NAV2: variants seen among roughly 807,000 people sequenced by gnomAD.
NAV2 encodes helicase, APC down-regulated 1.
Under a neutral mutation model 223.2 loss-of-function variants are expected in NAV2, and 54 were observed. That is an observed-to-expected ratio of 0.24 (90% CI 0.19 to 0.30). The LOEUF (loss-of-function observed/expected upper bound fraction) is 0.30. Ranked by LOEUF, NAV2 falls within the 10% of genes least tolerant of loss-of-function variation. The pLI is 1.00. For synonymous variants in NAV2, 1,279 were observed against 1,239.3 expected (o/e 1.03, Z -0.67); for missense variants, 2,806 against 3,147.5 (o/e 0.89, Z 2.60).
intron 1 of NAV2, among the ~76,000 whole-genome samples, chr11:19,454,937 C>A (rs981320786): frequency 6.6e-5 from 10 of 151,434 alleles, no homozygotes; most frequent in Non-Finnish European, 1.5e-4. Context: ...TACTGTGGGT[C>A]TCTGGGCCAG....
chr11:20,048,364 C>A (rs2057668367), intron 14 of NAV2, among the ~76,000 whole-genome samples: 1 of 152,282 alleles, frequency 6.6e-6, no homozygotes, highest in Non-Finnish European at 1.5e-5. Context: ...ATGAAGACAA[C>A]CATCTTCCTG....
At chr11:19,397,144 T>A (rs1437264532) in intron 1 of NAV2, among the ~76,000 whole-genome samples, 1 of 152,182 alleles carries the variant, frequency 6.6e-6, no homozygotes, top group Admixed American at 6.5e-5. Context: ...CTATGGGGAC[T>A]ATTCTTAGCT....
intron 11 of NAV2, chr11:20,022,514 G>C (rs1304181043): frequency 1.0e-6 from 1 of 982,626 alleles, no homozygotes. Context: ...GTACAAACAG[G>C]TATCATTTCC....
chr11:19,447,920 C>A (rs998661504), intron 1 of NAV2, among the ~76,000 whole-genome samples: 18 of 152,176 alleles, frequency 1.2e-4, no homozygotes, highest in African/African-American at 4.3e-4. Context: ...TCCCAATGAG[C>A]AGCTCAGAAC....
chr11:20,021,222 C>T (rs1452867919), intron 11 of NAV2, among the ~76,000 whole-genome samples: 2 of 152,098 alleles, frequency 1.3e-5, no homozygotes, highest in African/African-American at 4.8e-5. Flanking sequence ...AGCTAAGTTC[C>T]ATTAGAGTTG....
At chr11:20,066,115 T>C (rs139368140) in intron 20 of NAV2, among the ~76,000 whole-genome samples, 44 of 152,346 alleles carry the variant, frequency 2.9e-4, no homozygotes, top group African/African-American at 1.0e-3. Context: ...ATAATGAATG[T>C]AAAGTGCTTG....
chr11:19,633,727 G>A (rs1172246035), intron 1 of NAV2, among the ~76,000 whole-genome samples: 1 of 152,232 alleles, frequency 6.6e-6, no homozygotes, highest in African/African-American at 2.4e-5. Context: ...TCTCTGCAGG[G>A]TCTAGCCACC....
chr11:19,955,185 T>G (rs1367751798), intron 10 of NAV2, among the ~76,000 whole-genome samples: 1 of 151,974 alleles, frequency 6.6e-6, no homozygotes, highest in African/African-American at 2.4e-5. Flanking sequence ...GATGGGGGGA[T>G]CATTTGAGCC....
At chr11:19,937,509 A>G (rs2046014251) in intron 7 of NAV2, among the ~76,000 whole-genome samples, 1 of 152,228 alleles carries the variant, frequency 6.6e-6, no homozygotes, top group African/African-American at 2.4e-5. Flanking sequence ...ATAGTTTACT[A>G]AGAGTTGTGT....
At chr11:19,719,975 G>A (rs1048514090) in intron 1 of NAV2, among the ~76,000 whole-genome samples, 2 of 152,208 alleles carry the variant, frequency 1.3e-5, no homozygotes, top group African/African-American at 2.4e-5. Flanking sequence ...CCTAGCCCAG[G>A]ACAGGACCAA....
In NAV2 at chr11:19,703,888, T is replaced by C. The variant is rs74414326; in HGVS notation, c.76-128596T>C. Among the ~76,000 whole-genome samples, 2,209 of 152,260 alleles carry C rather than the reference T, an allele frequency of 0.015. 106 individuals are homozygous for C. The East Asian group carries it at 0.17, about 12-fold the overall frequency. ...GGGTGGGACCAGGACAGCCTTAGTT[T>C]GTGGATTTCCCAGGTGACTCTAATG... is the stretch of plus-strand genomic sequence containing the variant. On this transcript the variant is annotated intron_variant, in intron 1 of 37. Coordinates refer to the NAV2 transcript ENST00000360655.
At chr11:20,035,196 G>T (rs1378679495) in intron 11 of NAV2, among the ~76,000 whole-genome samples, 2 of 152,054 alleles carry the variant, frequency 1.3e-5, no homozygotes, top group African/African-American at 4.8e-5. Flanking sequence ...GAACTGCAGG[G>T]TGGCAGTGGG....
rs374004438 is a variant in NAV2 at position 20,054,291 on chromosome 11, G to A, written c.4642+51G>A. 10 of 1,520,158 alleles carry A rather than the reference G, an allele frequency of 6.6e-6. No individual in the cohort carries two copies. The East Asian group carries it at 1.4e-4, about 21-fold the overall frequency. The allele number at this position is 1,520,158 out of a possible 1,614,324, so 94.2% of individuals were successfully genotyped here. A position where few individuals can be genotyped will look rare whatever the true frequency, so the allele number is the denominator to read the frequency against. On this transcript the variant is annotated intron_variant, in intron 18 of 37. Transcript: ENST00000349880. ...TGTTGATCAGCTCCACAGGGCAGTG[G>A]TTATCTTATATACATAACATATTTT... is the stretch of plus-strand genomic sequence containing the variant.
At chr11:20,036,185 C>T (rs896251713) in intron 12 of NAV2, 88 bp downstream of exon 12, 3 of 1,474,054 alleles carry the variant, frequency 2.0e-6, no homozygotes, top group Non-Finnish European at 1.9e-6. Context: ...CCATTTGGGG[C>T]AACCAGAATC....
chr11:19,758,092 T>C (rs2054386969), intron 1 of NAV2, among the ~76,000 whole-genome samples: 1 of 152,162 alleles, frequency 6.6e-6, no homozygotes, highest in Admixed American at 6.5e-5. Context: ...GTAAATATTA[T>C]CCCCTCCACT....
intron 1 of NAV2, among the ~76,000 whole-genome samples, chr11:19,379,924 A>G (rs960087391): frequency 5.3e-5 from 8 of 152,102 alleles, no homozygotes; most frequent in Non-Finnish European, 1.0e-4. Context: ...CATTCCAAAA[A>G]CAGATTTAAT....
intron 20 of NAV2, among the ~76,000 whole-genome samples, chr11:20,064,505 A>G (rs1164182730): frequency 1.3e-5 from 2 of 152,182 alleles, no homozygotes; most frequent in Non-Finnish European, 2.9e-5. Flanking sequence ...GAAGAGTAAA[A>G]AAATGGGAGA....
At position 19,840,930 on chromosome 11, in the gene NAV2, T is replaced by C. The variant is rs372375607; in HGVS notation, c.386-1941T>C. Among the ~76,000 whole-genome samples, 11 of 152,236 alleles carry C rather than the reference T, an allele frequency of 7.2e-5. No individual in the cohort carries two copies. The East Asian group carries it at 7.7e-4, about 11-fold the overall frequency. On this transcript the variant is annotated intron_variant, in intron 2 of 37. Coordinates refer to ENST00000349880, the MANE Select transcript of NAV2 (RefSeq NM_145117.5). The stretch of plus-strand genomic sequence containing the variant: ...AAGCAGATAAGAATCTCTATTCTTA[T>C]GAAGTTTACAAGCTAGCAATATATT...
At chr11:20,016,987 C>G (rs1565773674) in intron 11 of NAV2, among the ~76,000 whole-genome samples, 1 of 151,566 alleles carries the variant, frequency 6.6e-6, no homozygotes, top group Non-Finnish European at 1.5e-5. Context: ...GCCTAAACAA[C>G]AGAGCAAGAC....
Sources: gnomAD v4.1 joint callset for allele counts (sites outside exome capture counted in the v4.1 genomes callset) on GRCh38, gnomAD v4.1.1 for gene constraint, MANE v1.5 for transcripts, NCBI Gene and HGNC (gene_info 2026-07-23, HGNC 2026-07-21) for gene names.